PABPC1: variants seen among roughly 807,000 people sequenced by gnomAD.
The protein encoded by PABPC1 is poly(A) binding protein cytoplasmic 1, also known as polyadenylate-binding protein 1.
PABPC1 carries 4 observed loss-of-function variants against 74.0 expected under a neutral mutation model. That is an observed-to-expected ratio of 0.05 (90% CI 0.03 to 0.12). PABPC1 has a LOEUF of 0.12. Ranked by LOEUF, PABPC1 falls within the 10% of genes least tolerant of loss-of-function variation. The pLI, the probability that PABPC1 is intolerant of heterozygous loss-of-function variation, is 1.00. For synonymous variants in PABPC1, 227 were observed against 264.1 expected (o/e 0.86, Z 1.36); for missense variants, 271 against 821.1 (o/e 0.33, Z 8.19).
At chr8:100,711,408 AG>A (rs1810524663) in intron 7 of PABPC1, among the ~76,000 whole-genome samples, 1 of 152,260 alleles carries the variant, frequency 6.6e-6, no homozygotes. Context: ...GGAAAGGCTG[AG>A]GCTGCAGTGA....
In PABPC1 at chr8:100,705,673, G is replaced by A. The variant is rs1810360068; in HGVS notation, c.1603C>T (p.Pro535Ser). ...NAQPQVTMQQ[P>S]AVHVQGQEPL... ...TCCTGACCTTGTACATGAACAGCAG[G>A]CTAGACAGAAAATGAGAACTCTTAA... Residue 535 changes from proline to serine, a missense_variant and splice_region_variant, in exon 12 of 15, where the codon CCT becomes TCT. By Grantham distance (74) the Pro-to-Ser change is moderately conservative (BLOSUM62 -1). This residue lies in a region of PABPC1 where 103 missense variants were observed against 245.3 expected (regional missense o/e 0.42). Coordinates refer to ENST00000318607, the MANE Select transcript of PABPC1 (RefSeq NM_002568.4). The A allele has an allele frequency of 7.5e-6, 12 of 1,606,850 alleles. No individual in the cohort carries two copies. Among genetic ancestry groups the A allele is most frequent in the Non-Finnish European group, 1.0e-5 (12 of 1,173,620 alleles).
At chr8:100,708,047 G>A (rs1810428195) in intron 9 of PABPC1, among the ~76,000 whole-genome samples, 1 of 152,108 alleles carries the variant, frequency 6.6e-6, no homozygotes, top group South Asian at 2.1e-4. Context: ...TATGATATTG[G>A]AATAAAGAGT....
intron 9 of PABPC1, 89 bp from the exon 10 acceptor site, chr8:100,707,086 A>G (rs1810399940): frequency 2.1e-6 from 2 of 944,910 alleles, no homozygotes; most frequent in African/African-American, 1.7e-5. Flanking sequence ...TGAGGTTTGC[A>G]TAAAAGACTA....
chr8:100,713,285 T>A (rs1810577649), intron 4 of PABPC1, 104 bp from the exon 5 acceptor site: 1 of 594,422 alleles, frequency 1.7e-6, no homozygotes, highest in Non-Finnish European at 2.8e-6. Flanking sequence ...CAAAGCTCCG[T>A]AACTTGACTC....
At chr8:100,713,899 G>A (rs892198628) in intron 4 of PABPC1, among the ~76,000 whole-genome samples, 1 of 147,852 alleles carries the variant, frequency 6.8e-6, no homozygotes, top group African/African-American at 2.6e-5. Flanking sequence ...GTAAGACATA[G>A]GTAATACAGG....
intron 9 of PABPC1, 164 bp from the exon 10 acceptor site, chr8:100,707,161 A>C (rs997877431): frequency 3.6e-6 from 2 of 549,440 alleles, no homozygotes; most frequent in African/African-American, 3.8e-5. Context: ...TCAGAGCATC[A>C]ATAAGTAAAA....
At chr8:100,709,809 T>G in intron 7 of PABPC1, 78 bp from the exon 8 acceptor site, 1 of 1,348,986 alleles carries the variant, frequency 7.4e-7, no homozygotes, top group Non-Finnish European at 1.0e-6. Flanking sequence ...TTTAGACAAT[T>G]ATAAATCACT....
chr8:100,713,717 G>C (rs1021905343), intron 4 of PABPC1, among the ~76,000 whole-genome samples: 15 of 152,104 alleles, frequency 9.9e-5, no homozygotes, highest in Non-Finnish European at 4.4e-5. Context: ...AAAACTTGTG[G>C]CTTCAAGTAT....
intron 4 of PABPC1, among the ~76,000 whole-genome samples, chr8:100,714,261 A>G (rs1290289456): frequency 2.0e-5 from 3 of 152,240 alleles, no homozygotes; most frequent in Non-Finnish European, 2.9e-5. Context: ...GCTTCTAATT[A>G]TAAGACATTA....
chr8:100,709,838 C>G, intron 7 of PABPC1, 107 bp from the exon 8 acceptor site: 1 of 1,191,424 alleles, frequency 8.4e-7, no homozygotes, highest in South Asian at 1.6e-5. Context: ...TAACTAAACC[C>G]TGTTAATGCT....
intron 7 of PABPC1, among the ~76,000 whole-genome samples, chr8:100,711,583 G>C (rs369682821): frequency 6.6e-6 from 1 of 152,198 alleles, no homozygotes; most frequent in Non-Finnish European, 1.5e-5. Context: ...AAACATTCAG[G>C]AATAAATTCT....
chr8:100,707,876 G>A (rs555810549), intron 9 of PABPC1, among the ~76,000 whole-genome samples: 12 of 152,202 alleles, frequency 7.9e-5, no homozygotes, highest in Non-Finnish European at 1.8e-4. Context: ...CTTCCCAGAC[G>A]CTGGCGTTAC....
chr8:100,716,059 C>T (rs1480735905), intron 3 of PABPC1, among the ~76,000 whole-genome samples: 1 of 152,196 alleles, frequency 6.6e-6, no homozygotes, highest in African/African-American at 2.4e-5. Context: ...GCATTTTCAA[C>T]AAAATGACAC....
chr8:100,716,489 A>G (rs1810673607), intron 3 of PABPC1, among the ~76,000 whole-genome samples: 1 of 152,096 alleles, frequency 6.6e-6, no homozygotes, highest in Admixed American at 6.6e-5. Flanking sequence ...AGAAGGAAAA[A>G]CCATCTTACA....
intron 11 of PABPC1, 70 bp downstream of exon 11, chr8:100,706,581 C>A (rs887542343): frequency 6.4e-6 from 9 of 1,404,032 alleles, no homozygotes; most frequent in Non-Finnish European, 8.9e-6. Flanking sequence ...GCCACTGTGC[C>A]CAGCTGTCTT....
rs1309958400 is a variant in PABPC1 at position 100,709,462 on chromosome 8, T to C, written c.1242A>G (p.Pro414=). The change falls in exon 8 of 15, where the codon CCA becomes CCG. Residue 414 remains proline (P), a synonymous_variant. Coordinates refer to ENST00000318607, the MANE Select transcript of PABPC1 (RefSeq NM_002568.4). ...PPSGYFMAAI[P]QTQNRAAYYP... The stretch of plus-strand genomic sequence containing the variant: ...CTGGTTGCCTTCTAAAACCTACCTG[T>C]GGGATAGCTGCCATGAAGTAACCTG... 2 of 1,613,982 alleles carry C rather than the reference T, an allele frequency of 1.2e-6. No homozygotes were observed. The highest frequency in any genetic ancestry group is 2.7e-5 in the African/African-American group (2 of 74,890).
chr8:100,713,616 A>G (rs1187842595), intron 4 of PABPC1, among the ~76,000 whole-genome samples: 7 of 152,148 alleles, frequency 4.6e-5, no homozygotes, highest in Non-Finnish European at 1.5e-5. Flanking sequence ...CAACTTACCA[A>G]GTATCTGGGA....
At chr8:100,715,396 A>C in intron 4 of PABPC1, 66 bp downstream of exon 4, 1 of 1,345,376 alleles carries the variant, frequency 7.4e-7, no homozygotes, top group East Asian at 2.3e-5. Flanking sequence ...ATAAAGTAAT[A>C]GCTAAAATTA....
chr8:100,703,751 A>G (rs913992686), intron 14 of PABPC1, among the ~76,000 whole-genome samples: 4 of 152,118 alleles, frequency 2.6e-5, no homozygotes, highest in Admixed American at 2.6e-4. Flanking sequence ...TTATATATAT[A>G]TTACTATACA....
Sources: gnomAD v4.1 joint callset for allele counts (sites outside exome capture counted in the v4.1 genomes callset) on GRCh38, gnomAD v4.1.1 for gene constraint, gnomAD v4.1.1 regional missense constraint, MANE v1.5 for transcripts, NCBI Gene and HGNC (gene_info 2026-07-23, HGNC 2026-07-21) for gene names.